The following PRDM16 variants were observed in gnomAD, a reference collection of about 807,000 sequenced individuals.
PRDM16 encodes histone-lysine N-methyltransferase PRDM16.
A neutral mutation model predicts 110.6 loss-of-function variants in PRDM16; 23 were observed. The observed-to-expected ratio is 0.21, with a 90% CI of 0.15 to 0.29. PRDM16 has a LOEUF of 0.29. Ranked by LOEUF, PRDM16 falls within the 10% of genes least tolerant of loss-of-function variation. The pLI is 1.00. For synonymous variants in PRDM16, 799 were observed against 781.8 expected, an observed-to-expected ratio of 1.02 and a Z score of -0.37; for missense variants, 1,615 against 1,794.3, an observed-to-expected ratio of 0.90 and a Z score of 1.81.
intron 1 of PRDM16, among the ~76,000 whole-genome samples, chr1:3,161,028 C>A (rs1026501658): frequency 6.6e-6 from 1 of 152,160 alleles, no homozygotes; most frequent in South Asian, 2.1e-4. Context: ...GACTGGTAAC[C>A]CCCACCTCCA....
chr1:3,430,858 C>T lies in PRDM16; in HGVS notation c.3285-14C>T. 6.2e-7 allele frequency: 1 copy of T among 1,613,374 alleles called. No homozygotes were observed. Among genetic ancestry groups the T allele is most frequent in the African/African-American group, 1.3e-5 (1 of 75,054 alleles). ...ACACCCAAACTCAGTCAATCTCCTC[C>T]TGCATCATTTCAGGGCGGACATGCA... On this transcript the variant is annotated splice_polypyrimidine_tract_variant and intron_variant, in intron 14 of 16. Coordinates refer to ENST00000270722, the MANE Select transcript of PRDM16 (RefSeq NM_022114.4).
rs1322386715 is a variant in PRDM16, at chr1:3,114,266, GTA to G, written c.37+44971_37+44972del. On this transcript the variant is annotated intron_variant, in intron 1 of 16. Coordinates refer to ENST00000270722, the MANE Select transcript of PRDM16 (RefSeq NM_022114.4). Reference sequence around the variant, plus strand: ...TAAACATGCACACGCACGCGCACACGTACACACACGCACACACGCAGTGGAAA... The same window carrying G: ...TAAACATGCACACGCACGCGCACACGCACACACGCACACACGCAGTGGAAA... Among the ~76,000 whole-genome samples the G allele has an allele frequency of 1.7e-4, 20 of 118,238 alleles. 1 individual carries two copies. Among genetic ancestry groups the G allele is most frequent in the Admixed American group, 1.3e-3 (14 of 10,728 alleles). The allele number at this position is 118,238 out of a possible 152,430, so 77.6% of individuals were successfully genotyped here.
At chr1:3,164,381 G>A (rs370892566) in intron 1 of PRDM16, among the ~76,000 whole-genome samples, 1 of 152,142 alleles carries the variant, frequency 6.6e-6, no homozygotes, top group Non-Finnish European at 1.5e-5. Context: ...CGTGACGTTG[G>A]GCCGACAGCT....
At chr1:3,249,836 A>G (rs1272497767) in intron 3 of PRDM16, among the ~76,000 whole-genome samples, 1 of 152,236 alleles carries the variant, frequency 6.6e-6, no homozygotes, top group African/African-American at 2.4e-5. Flanking sequence ...AATTCAGTGA[A>G]TGAACATATA....
intron 3 of PRDM16, among the ~76,000 whole-genome samples, chr1:3,270,586 G>T (rs1164632592): frequency 6.8e-6 from 1 of 147,582 alleles, no homozygotes; most frequent in East Asian, 2.1e-4. Context: ...GAGGACAGTC[G>T]AGAGGAGGAC....
At chr1:3,146,886 G>GGT (rs1160968347) in intron 1 of PRDM16, among the ~76,000 whole-genome samples, 6 of 121,250 alleles carry the variant, frequency 4.9e-5, no homozygotes, top group Non-Finnish European at 1.0e-4. Flanking sequence ...TTTGGTGTGG[G>GGT]GTGTGTGTGC....
chr1:3,198,684 C>T (rs761890467), intron 2 of PRDM16, among the ~76,000 whole-genome samples: 10 of 152,348 alleles, frequency 6.6e-5, no homozygotes, highest in South Asian at 2.1e-4. Flanking sequence ...TCTGGTCCTC[C>T]GGTCCCGGCT....
chr1:3,143,929 G>T lies in PRDM16; in HGVS notation c.38-42196G>T. 6.6e-6 allele frequency among the ~76,000 whole-genome samples: 1 copy of T among 152,170 alleles called. No individual in the cohort carries two copies. Among genetic ancestry groups the T allele is most frequent in the East Asian group, 1.9e-4 (1 of 5,196 alleles). On this transcript the variant is annotated intron_variant, in intron 1 of 16. Transcript: ENST00000270722. This position sits in a 1 kb window ranked among gnomAD's most constrained non-coding sequence, Gnocchi z 4.5. ...TGGGGCATCTTGTCATGTGTTAGTC[G>T]TAGTGAAGGCTCCACAAGCACTTTT...
At chr1:3,183,893 G>C (rs1252410088) in intron 1 of PRDM16, among the ~76,000 whole-genome samples, 4 of 152,206 alleles carry the variant, frequency 2.6e-5, no homozygotes, top group Non-Finnish European at 5.9e-5. Flanking sequence ...ACGCCCGAGA[G>C]GAGTTAAGGA....
intron 3 of PRDM16, among the ~76,000 whole-genome samples, chr1:3,269,207 G>A (rs1236352513): frequency 6.6e-6 from 1 of 152,268 alleles, no homozygotes; most frequent in African/African-American, 2.4e-5. Context: ...CAGTGGCTGG[G>A]GTACCAGATG....
At chr1:3,403,244 G>A (rs763261635) in intron 6 of PRDM16, among the ~76,000 whole-genome samples, 5 of 152,176 alleles carry the variant, frequency 3.3e-5, no homozygotes, top group East Asian at 1.9e-4. Flanking sequence ...CCCTGGCTCC[G>A]ACCGCAAATG....
In PRDM16 at chr1:3,296,484, G is replaced by A. The variant is rs116186985; in HGVS notation, c.438+52347G>A. Among the ~76,000 whole-genome samples, 671 of 152,372 alleles carry A rather than the reference G, an allele frequency of 4.4e-3. 6 individuals carry two copies. The highest frequency in any genetic ancestry group is 0.02 in the Middle Eastern group (6 of 294). ...GAGCCTGTCACTCAGTGGAGGAGGCGAGAGGCTCCACCAGCCCTAACCCGG... is the reference window on the plus strand; with the variant it reads ...GAGCCTGTCACTCAGTGGAGGAGGCAAGAGGCTCCACCAGCCCTAACCCGG... On this transcript the variant is annotated intron_variant, in intron 3 of 16. Transcript: ENST00000270722.
intron 3 of PRDM16, among the ~76,000 whole-genome samples, chr1:3,345,941 A>C (rs1444043090): frequency 6.6e-6 from 1 of 152,166 alleles, no homozygotes; most frequent in African/African-American, 2.4e-5. Flanking sequence ...AAGAGCCCCA[A>C]AGAGGCCACG....
intron 3 of PRDM16, among the ~76,000 whole-genome samples, chr1:3,288,816 G>A (rs1425794710): frequency 6.6e-6 from 1 of 152,168 alleles, no homozygotes; most frequent in Non-Finnish European, 1.5e-5. Flanking sequence ...AAGGGGCAGG[G>A]GCCAAATGTC....
chr1:3,431,625 T>G (rs1638771431), intron 15 of PRDM16, among the ~76,000 whole-genome samples: 1 of 149,224 alleles, frequency 6.7e-6, no homozygotes, highest in South Asian at 2.1e-4. Context: ...TGCCCCTGAG[T>G]CCTGGGAGAG....
intron 1 of PRDM16, among the ~76,000 whole-genome samples, chr1:3,100,481 C>T (rs527731948): frequency 6.6e-6 from 1 of 152,078 alleles, no homozygotes; most frequent in African/African-American, 2.4e-5. Context: ...GAGCTGCTCT[C>T]TATGGAGCCC....
chr1:3,354,446 C>A (rs1030229913), intron 3 of PRDM16, among the ~76,000 whole-genome samples: 3 of 130,910 alleles, frequency 2.3e-5, no homozygotes, highest in Non-Finnish European at 4.6e-5. Context: ...GGTGACAGGG[C>A]GAGACTCTGC....
At chr1:3,405,673 C>T (rs1283166199) in intron 8 of PRDM16, 25 bp downstream of exon 8, 2 of 1,547,494 alleles carry the variant, frequency 1.3e-6, no homozygotes, top group South Asian at 1.2e-5. Context: ...AGCCTGGCCG[C>T]CTGCCCTCCG....
chr1:3,130,006 C>A (rs1040322576), intron 1 of PRDM16, among the ~76,000 whole-genome samples: 10 of 152,320 alleles, frequency 6.6e-5, no homozygotes, highest in African/African-American at 2.4e-4. Context: ...GCTGGGAGGG[C>A]AGTGCAGGCG....
Sources: gnomAD v4.1 joint callset for allele counts (sites outside exome capture counted in the v4.1 genomes callset) on GRCh38, gnomAD v4.1.1 for gene constraint, Gnocchi (gnomAD v3.1) non-coding constraint, MANE v1.5 for transcripts, NCBI Gene and HGNC (gene_info 2026-07-23, HGNC 2026-07-21) for gene names.